Variants in KCNAB1 observed in about 807,000 individuals in gnomAD.
KCNAB1 encodes potassium voltage-gated channel subfamily A regulatory beta subunit 1.
A neutral mutation model predicts 64.6 loss-of-function variants in KCNAB1; 35 were observed. The ratio of observed to expected loss-of-function variants is 0.54; its 90% CI spans 0.41 to 0.72. KCNAB1 has a LOEUF of 0.72. KCNAB1 is among the 30% of genes least tolerant of loss of function. The pLI, the probability that KCNAB1 is intolerant of heterozygous loss-of-function variation, is 0.00. For missense variants in KCNAB1, 401 were observed against 512.9 expected, an observed-to-expected ratio of 0.78 and a Z score of 2.11; for synonymous variants, 177 against 183.8, an observed-to-expected ratio of 0.96 and a Z score of 0.30.
At chr3:156,151,867 T>C (rs1236873255) in intron 1 of KCNAB1, among the ~76,000 whole-genome samples, 3 of 152,250 alleles carry the variant, frequency 2.0e-5, no homozygotes, top group Non-Finnish European at 4.4e-5. Context: ...GGATCAGTAT[T>C]GGATGGCAAT....
chr3:156,159,286 A>G (rs1715934479), intron 1 of KCNAB1, among the ~76,000 whole-genome samples: 1 of 152,154 alleles, frequency 6.6e-6, no homozygotes, highest in Non-Finnish European at 1.5e-5. Context: ...TCTTAGGGGT[A>G]GGGGAATATT....
intron 1 of KCNAB1, among the ~76,000 whole-genome samples, chr3:156,288,746 T>C (rs909591940): frequency 6.6e-6 from 1 of 152,206 alleles, no homozygotes; most frequent in African/African-American, 2.4e-5. Flanking sequence ...CTTTGAGGCA[T>C]GTCCTAAAGG....
intron 8 of KCNAB1, among the ~76,000 whole-genome samples, chr3:156,479,957 A>G (rs1373013088): frequency 6.6e-6 from 1 of 152,180 alleles, no homozygotes; most frequent in East Asian, 1.9e-4. Context: ...GAAAGCAGGC[A>G]TCTATGGATA....
rs145338787 is a variant in KCNAB1, at chr3:156,366,763, G to A, written c.276-54853G>A. On this transcript the variant is annotated intron_variant, in intron 1 of 13. Transcript: ENST00000490337. The stretch of plus-strand genomic sequence containing the variant: ...ATTATCCAGTTCATAGGGGAATCCA[G>A]TATCTCTGCATCTTAATTTTGTCTT... 6.6e-3 allele frequency among the ~76,000 whole-genome samples: 1,002 copies of A among 152,330 alleles called. 6 individuals carry two copies. The highest frequency in any genetic ancestry group is 8.0e-3 in the Non-Finnish European group (543 of 68,026).
chr3:156,144,824 G>A (rs1327142789), intron 1 of KCNAB1, among the ~76,000 whole-genome samples: 1 of 152,206 alleles, frequency 6.6e-6, no homozygotes, highest in Non-Finnish European at 1.5e-5. Flanking sequence ...CCTTTAGAGG[G>A]TATGCCTTTC....
chr3:156,337,756 C>T (rs1046800452), intron 1 of KCNAB1, among the ~76,000 whole-genome samples: 3 of 152,112 alleles, frequency 2.0e-5, no homozygotes, highest in Admixed American at 6.5e-5. Flanking sequence ...GTGACTCAGC[C>T]TCGTGTGAAA....
chr3:156,494,132 T>G (rs1470866047), intron 8 of KCNAB1, among the ~76,000 whole-genome samples: 1 of 152,112 alleles, frequency 6.6e-6, no homozygotes, highest in Non-Finnish European at 1.5e-5. Flanking sequence ...GGTTTTCTAT[T>G]TCCATCACAC....
chr3:156,475,806 A>G (rs1189782793), intron 8 of KCNAB1, among the ~76,000 whole-genome samples: 1 of 151,990 alleles, frequency 6.6e-6, no homozygotes, highest in Admixed American at 6.6e-5. Context: ...TGATTGACAT[A>G]TTATAAATTT....
rs2108277756 is a variant in KCNAB1, at chr3:156,452,077, G to T, written c.320-822G>T. On this transcript the variant is annotated intron_variant, in intron 2 of 13. Transcript: ENST00000490337. This position sits in a 1 kb window ranked among gnomAD's most constrained non-coding sequence, Gnocchi z 4.6. ...TGAGTGCAATGCTTTTATGTGGCAT[G>T]TAATTAGGAATCAAAAGAATTCATT... Among the ~76,000 whole-genome samples the T allele has an allele frequency of 6.6e-6, 1 of 152,316 alleles. No homozygotes were observed. The highest frequency in any genetic ancestry group is 1.5e-5 in the Non-Finnish European group (1 of 68,034).
At chr3:156,490,720 A>G (rs550693878) in intron 8 of KCNAB1, among the ~76,000 whole-genome samples, 31 of 152,256 alleles carry the variant, frequency 2.0e-4, no homozygotes, top group African/African-American at 7.2e-4. Flanking sequence ...CACGAGTCCA[A>G]CATCTTTTCA....
At chr3:156,461,746 C>A (rs1194867242) in intron 5 of KCNAB1, among the ~76,000 whole-genome samples, 1 of 152,168 alleles carries the variant, frequency 6.6e-6, no homozygotes, top group African/African-American at 2.4e-5. Flanking sequence ...GCTGCAGAAC[C>A]TATTTTATAT....
chr3:156,495,390 A>G (rs905085318), intron 8 of KCNAB1, among the ~76,000 whole-genome samples: 13 of 152,210 alleles, frequency 8.5e-5, no homozygotes, highest in Non-Finnish European at 8.8e-5. Flanking sequence ...TATGTATCCA[A>G]AGGAATATAA....
At chr3:156,332,423 G>A (rs947023467) in intron 1 of KCNAB1, among the ~76,000 whole-genome samples, 10 of 151,936 alleles carry the variant, frequency 6.6e-5, no homozygotes, top group South Asian at 2.1e-4. Context: ...CAATTGTACC[G>A]TATTTACCCA....
chr3:156,123,328 C>T (rs1713460575), intron 1 of KCNAB1, among the ~76,000 whole-genome samples: 1 of 152,218 alleles, frequency 6.6e-6, no homozygotes, highest in Non-Finnish European at 1.5e-5. Flanking sequence ...TGCTAGCGAA[C>T]TCAAACTTGT....
At chr3:156,528,212 C>A (rs1718463543) in intron 12 of KCNAB1, among the ~76,000 whole-genome samples, 1 of 150,192 alleles carries the variant, frequency 6.7e-6, no homozygotes, top group Non-Finnish European at 1.5e-5. Flanking sequence ...TGGATTGGTA[C>A]TTTTATACAG....
intron 1 of KCNAB1, among the ~76,000 whole-genome samples, chr3:156,290,184 G>A (rs6767209): frequency 0.022 from 3,278 of 152,296 alleles, 141 homozygotes; most frequent in African/African-American, 0.075. Flanking sequence ...GTCATAATAT[G>A]CCTTCCAACA....
intron 1 of KCNAB1, among the ~76,000 whole-genome samples, chr3:156,338,303 C>CTTTTTGTTTTTTTTTTTT (rs1723860654): frequency 2.5e-5 from 1 of 39,488 alleles, no homozygotes; most frequent in African/African-American, 8.8e-5. Flanking sequence ...GGCATTTGCA[C>CTTTTTGTTTTTTTTTTTT]TTTTTTTTTT....
chr3:156,135,249 G>A (rs1036841349), intron 1 of KCNAB1, among the ~76,000 whole-genome samples: 2 of 151,962 alleles, frequency 1.3e-5, no homozygotes, highest in South Asian at 2.1e-4. Flanking sequence ...CTCCCAGCTC[G>A]GCCTCCCAAA....
At chr3:156,140,983 G>A (rs1714673647) in intron 1 of KCNAB1, among the ~76,000 whole-genome samples, 1 of 152,126 alleles carries the variant, frequency 6.6e-6, no homozygotes, top group Non-Finnish European at 1.5e-5. Context: ...AACAGTTTAT[G>A]TCCAGGAGTC....
Sources: gnomAD v4.1 joint callset for allele counts (sites outside exome capture counted in the v4.1 genomes callset) on GRCh38, gnomAD v4.1.1 for gene constraint, Gnocchi (gnomAD v3.1) non-coding constraint, MANE v1.5 for transcripts, NCBI Gene and HGNC (gene_info 2026-07-23, HGNC 2026-07-21) for gene names.